Variants in FGL1 observed in about 807,000 individuals in gnomAD.
The protein encoded by FGL1 is fibrinogen like 1, also known as fibrinogen-like protein 1.
FGL1 carries 59 observed loss-of-function variants against 43.7 expected under a neutral mutation model. The observed-to-expected ratio is 1.35, with a 90% confidence interval of 1.10 to 1.68. The LOEUF is 1.68. Among genes scored for constraint, FGL1 ranks in the 40% most tolerant of loss-of-function variants. The probability of loss-of-function intolerance (pLI) is 0.00; values close to 1 mark genes in which losing one functional copy is unlikely to be tolerated. For synonymous variants in FGL1, 192 were observed against 126.5 expected (o/e 1.52, Z -3.48); for missense variants, 596 against 373.0 (o/e 1.60, Z -4.92).
At chr8:17,877,551 G>C (rs2053474293) in intron 3 of FGL1, among the ~76,000 whole-genome samples, 1 of 151,844 alleles carries the variant, frequency 6.6e-6, no homozygotes, top group African/African-American at 2.4e-5. Flanking sequence ...ACTCCCCAGA[G>C]CATGTTGGGA....
chr8:17,879,324 C>A (rs1669941487), intron 3 of FGL1, among the ~76,000 whole-genome samples: 1 of 151,964 alleles, frequency 6.6e-6, no homozygotes, highest in South Asian at 2.1e-4. Flanking sequence ...CTTGGTGACC[C>A]CTTACTTCCC....
intron 5 of FGL1, among the ~76,000 whole-genome samples, chr8:17,870,931 C>T (rs374530776): frequency 7.0e-6 from 1 of 143,420 alleles, no homozygotes; most frequent in Non-Finnish European, 1.5e-5. Context: ...TTTTTAGCCT[C>T]CCCTCAAGCT....
At chr8:17,881,508 T>C (rs1234400881) in intron 3 of FGL1, among the ~76,000 whole-genome samples, 1 of 151,598 alleles carries the variant, frequency 6.6e-6, no homozygotes, top group Non-Finnish European at 1.5e-5. Flanking sequence ...ATATTTAGCA[T>C]TCACATTAAA....
Position 17,882,021 on chromosome 8 carries a change from A to C in FGL1, c.222T>G (p.Leu74=), listed in dbSNP as rs200053093. The C allele has an allele frequency of 4.3e-6, 7 of 1,613,922 alleles. No individual in the cohort carries two copies. In the African/African-American group the frequency reaches 9.3e-5, roughly 22 times the overall value. The change falls in exon 3 of 8, where the codon CTT becomes CTG. Residue 74 remains leucine, a synonymous_variant. Coordinates refer to ENST00000427924, the MANE Select transcript of FGL1 (RefSeq NM_004467.4). ...GACCTGCATACTGCCTCTTGCTTCC[A>C]AGATCAATGACAGTATTCTCATCTC... ...DKGDENTVID[L]GSKRQYADCS...
intron 2 of FGL1, 105 bp downstream of exon 2, chr8:17,885,387 A>C: frequency 1.1e-6 from 1 of 920,228 alleles, no homozygotes; most frequent in Non-Finnish European, 1.7e-6. Flanking sequence ...CCACATAGTT[A>C]AGTTTTTTCA....
chr8:17,874,006 A>T lies in FGL1; in HGVS notation c.502+13T>A. ...TTATATTTCAAATAAATCTGACATC[A>T]TTCAAACCTTACCTTGAGTGGTCAA... On this transcript the variant is annotated intron_variant, in intron 5 of 7. Transcript: ENST00000427924. 6.4e-7 allele frequency: 1 copy of T among 1,568,754 alleles called. No homozygotes were observed. The highest frequency in any genetic ancestry group is 8.6e-7 in the Non-Finnish European group (1 of 1,160,624).
At chr8:17,874,328 C>A in intron 4 of FGL1, 34 bp downstream of exon 4, 1 of 1,588,150 alleles carries the variant, frequency 6.3e-7, no homozygotes, top group Non-Finnish European at 8.6e-7. Flanking sequence ...ACATTTGCTG[C>A]TACATATAAA....
chr8:17,883,639 A>C lies in FGL1; in HGVS notation c.64-1460T>G, dbSNP rs1016022009. Among the ~76,000 whole-genome samples, 3 of 144,896 alleles carry C rather than the reference A, an allele frequency of 2.1e-5. No individual in the cohort carries two copies. In the Admixed American group the frequency reaches 2.1e-4, roughly 10 times the overall value. The stretch of plus-strand genomic sequence containing the variant: ...ATATAGTATATATTATATCAAATAC[A>C]TATGCATATATAATACATTTATATT... On this transcript the variant is annotated intron_variant, in intron 2 of 7. Coordinates refer to ENST00000427924, the MANE Select transcript of FGL1 (RefSeq NM_004467.4).
Position 17,869,062 on chromosome 8 carries a change from T to A in FGL1, c.503-58A>T, listed in dbSNP as rs2053317191. On this transcript the variant is annotated intron_variant, in intron 5 of 7. Transcript: ENST00000427924. ...AAATGTGTGACATGACACGGACTAC[T>A]GCGGTTTAAAAATAATTCACAGCTC... 16 of 1,065,332 alleles carry A rather than the reference T, an allele frequency of 1.5e-5. No individual in the cohort carries two copies. The South Asian group carries it at 2.4e-4, about 16-fold the overall frequency. The allele number at this position is 1,065,332 out of a possible 1,614,324, so 66.0% of individuals were successfully genotyped here.
intron 4 of FGL1, 112 bp downstream of exon 4, chr8:17,874,250 G>C: frequency 4.3e-6 from 6 of 1,384,838 alleles, no homozygotes; most frequent in Non-Finnish European, 5.0e-6. Context: ...TTCTTCTTTA[G>C]AGAGATTGAA....
intron 2 of FGL1, 148 bp downstream of exon 2, chr8:17,885,344 T>A (rs760455937): frequency 1.3e-5 from 8 of 639,224 alleles, no homozygotes; most frequent in Non-Finnish European, 2.1e-5. Context: ...CTTTACTATG[T>A]GTCCAGTATT....
At chr8:17,877,698 G>A (rs1274664161) in intron 3 of FGL1, among the ~76,000 whole-genome samples, 1 of 152,066 alleles carries the variant, frequency 6.6e-6, no homozygotes, top group Non-Finnish European at 1.5e-5. Context: ...ATAAAGGCAT[G>A]CAATGCATAA....
At chr8:17,889,078 A>G (rs1470623103) in intron 1 of FGL1, among the ~76,000 whole-genome samples, 2 of 152,216 alleles carry the variant, frequency 1.3e-5, no homozygotes, top group African/African-American at 4.8e-5. Flanking sequence ...GGCATTATAT[A>G]AAAATGAGCT....
chr8:17,893,172 G>T (rs751822587), intron 1 of FGL1, among the ~76,000 whole-genome samples: 5 of 152,242 alleles, frequency 3.3e-5, no homozygotes, highest in South Asian at 4.1e-4. Flanking sequence ...CTGCACTCCA[G>T]CCTGGGTGAC....
chr8:17,882,022 A>G lies in FGL1; in HGVS notation c.221T>C (p.Leu74Pro), dbSNP rs1169234815. 6.2e-7 allele frequency: 1 copy of G among 1,613,928 alleles called. No individual in the cohort carries two copies. The change falls in exon 3 of 8, where the codon CTT becomes CCT. Residue 74 changes from leucine to proline, a missense_variant. Leu to Pro is a moderately conservative substitution (Grantham distance 98). Transcript: ENST00000427924. ...ACCTGCATACTGCCTCTTGCTTCCA[A>G]GATCAATGACAGTATTCTCATCTCC... The part of the protein sequence containing the change: ...DKGDENTVID[L>P]GSKRQYADCS...
In FGL1 at chr8:17,884,463, G is replaced by A. The variant is rs141838529; in HGVS notation, c.63+1029C>T. ...ACCCACCTCGGCCCCTCAAAGTGCT[G>A]GGATTACAGGCGTGAGCCACTGCAC... On this transcript the variant is annotated intron_variant, in intron 2 of 7. Coordinates refer to ENST00000427924, the MANE Select transcript of FGL1 (RefSeq NM_004467.4). Among the ~76,000 whole-genome samples the A allele has an allele frequency of 3.4e-3, 518 of 152,194 alleles. 6 individuals are homozygous for A. Among genetic ancestry groups the A allele is most frequent in the Admixed American group, 0.025 (376 of 15,268 alleles).
chr8:17,871,322 C>A (rs989008366), intron 5 of FGL1, among the ~76,000 whole-genome samples: 3 of 151,676 alleles, frequency 2.0e-5, no homozygotes, highest in African/African-American at 7.3e-5. Context: ...GTGAGACCAC[C>A]GTCTCTACTA....
In FGL1 at chr8:17,864,751, C is replaced by T. The variant is rs759301628; in HGVS notation, c.780G>A (p.Arg260=). 6.8e-7 allele frequency: 1 copy of T among 1,465,382 alleles called. No homozygotes were observed. The highest frequency in any genetic ancestry group is 1.5e-5 in the South Asian group (1 of 65,208). 90.8% of individuals were successfully genotyped at this position (1,465,382 alleles called of 1,614,324 possible). ...EEDQSGWWFN[R]CHSANLNGVY... Reference sequence around the variant, plus strand: ...CACCATTCAGGTTTGCAGAGTGACACCTAGTGGAAGGGAGAAAAAAAAAGA... The same window carrying T: ...CACCATTCAGGTTTGCAGAGTGACATCTAGTGGAAGGGAGAAAAAAAAAGA... Residue 260 remains arginine, a splice_region_variant and synonymous_variant, in exon 8 of 8, where the codon AGG becomes AGA. Transcript: ENST00000427924.
intron 5 of FGL1, 61 bp from the exon 6 acceptor site, chr8:17,869,065 G>C: frequency 2.0e-6 from 2 of 1,018,186 alleles, no homozygotes; most frequent in Non-Finnish European, 2.9e-6. Context: ...GGACTACTGC[G>C]GTTTAAAAAT....
Sources: gnomAD v4.1 joint callset for allele counts (sites outside exome capture counted in the v4.1 genomes callset) on GRCh38, gnomAD v4.1.1 for gene constraint, MANE v1.5 for transcripts, NCBI Gene and HGNC (gene_info 2026-07-23, HGNC 2026-07-21) for gene names.